Variants in MAP3K13 observed in about 807,000 individuals in gnomAD.
MAP3K13 encodes leucine zipper-bearing kinase.
MAP3K13 carries 52 observed loss-of-function variants against 104.0 expected under a neutral mutation model. That is an observed-to-expected ratio of 0.50 (90% CI 0.40 to 0.63). The LOEUF (loss-of-function observed/expected upper bound fraction) is 0.63, where lower values mean the gene tolerates loss of function less well. MAP3K13 is among the 20% of genes least tolerant of loss of function. The pLI is 0.00. For missense variants in MAP3K13, 914 were observed against 1,218.5 expected (o/e 0.75, Z 3.72); for synonymous variants, 394 against 442.2 (o/e 0.89, Z 1.37).
intron 7 of MAP3K13, among the ~76,000 whole-genome samples, chr3:185,454,591 TAGATATATATG>T: frequency 2.4e-5 from 2 of 83,482 alleles, no homozygotes; most frequent in African/African-American, 8.7e-5. Flanking sequence ...ATATGATATA[TAGATATATATG>T]AGATATATAT....
At chr3:185,288,776 A>G (rs1257485360) in intron 2 of MAP3K13, among the ~76,000 whole-genome samples, 1 of 152,160 alleles carries the variant, frequency 6.6e-6, no homozygotes, top group Non-Finnish European at 1.5e-5. Flanking sequence ...ATAAATTATT[A>G]TGTTAACCAT....
At chr3:185,454,439 GAGATAT>G (rs1716161246) in intron 7 of MAP3K13, among the ~76,000 whole-genome samples, 1 of 107,830 alleles carries the variant, frequency 9.3e-6, no homozygotes, top group Non-Finnish European at 1.7e-5. Context: ...TGATATATAT[GAGATAT>G]ATATATGAGA....
At chr3:185,468,911 G>A (rs1229051800) in intron 10 of MAP3K13, among the ~76,000 whole-genome samples, 4 of 152,194 alleles carry the variant, frequency 2.6e-5, no homozygotes, top group Admixed American at 1.3e-4. Context: ...TAAGAGCGCT[G>A]GGGGAGAAAA....
chr3:185,361,114 G>A (rs1265485653), upstream of MAP3K13, among the ~76,000 whole-genome samples: 3 of 149,976 alleles, frequency 2.0e-5, no homozygotes, highest in Non-Finnish European at 4.4e-5. Flanking sequence ...GTGTGTGTGT[G>A]TGTGTGTGTA....
intron 2 of MAP3K13, among the ~76,000 whole-genome samples, chr3:185,326,828 T>C (rs1299106510): frequency 6.6e-6 from 1 of 152,204 alleles, no homozygotes; most frequent in Non-Finnish European, 1.5e-5. Context: ...GAAATAATCT[T>C]GATTTGCATT....
Position 185,332,301 on chromosome 3 carries a change from G to C in MAP3K13, c.-86+46658G>C, listed in dbSNP as rs913114576. The stretch of plus-strand genomic sequence containing the variant: ...TCATCAGACTTTTGGATTTTTGCCA[G>C]TTTGATAGGTTAAATAATGGTTTCA... On this transcript the variant is annotated intron_variant, in intron 2 of 14. Coordinates refer to the MAP3K13 transcript ENST00000424227. Among the ~76,000 whole-genome samples the C allele has an allele frequency of 3.3e-5, 5 of 152,024 alleles. No homozygotes were observed. In the East Asian group the frequency reaches 9.6e-4, roughly 29 times the overall value.
intron 2 of MAP3K13, among the ~76,000 whole-genome samples, chr3:185,296,976 T>G (rs1232044041): frequency 1.3e-5 from 2 of 152,216 alleles, no homozygotes; most frequent in Admixed American, 6.5e-5. Context: ...GCACAGTGGC[T>G]AAAGTCATGT....
chr3:185,291,942 G>C, intron 2 of MAP3K13: 1 of 1,116,314 alleles, frequency 9.0e-7, no homozygotes, highest in Non-Finnish European at 1.1e-6. Context: ...GTGGCCATAA[G>C]TTTTCATTGA....
rs551183178 is a variant in MAP3K13, at chr3:185,485,233, ATTCGT to A, written c.*2781_*2785del. 8 of 152,270 alleles carry A rather than the reference ATTCGT, an allele frequency of 5.3e-5. No individual in the cohort carries two copies. The highest frequency in any genetic ancestry group is 1.4e-4 in the African/African-American group (6 of 41,560). The allele number at this position is 152,270 out of a possible 1,614,324, so 9.4% of individuals were successfully genotyped here. A position where few individuals can be genotyped will look rare whatever the true frequency, so the allele number is the denominator to read the frequency against. Reference sequence around the variant, plus strand: ...GAGGGTTTCCGCACAGGGCTCATGGATTCGTTTCAAGAATTGACAACATAGTTTGC... The same window carrying A: ...GAGGGTTTCCGCACAGGGCTCATGGATTCAAGAATTGACAACATAGTTTGC... On this transcript the variant is annotated 3_prime_UTR_variant, in exon 14 of 14. Transcript: ENST00000265026.
At chr3:185,303,718 T>A (rs1373724355) in intron 2 of MAP3K13, among the ~76,000 whole-genome samples, 3 of 152,090 alleles carry the variant, frequency 2.0e-5, no homozygotes, top group Admixed American at 6.5e-5. Flanking sequence ...ATTTTTTACC[T>A]TAGTCTAGCT....
chr3:185,405,540 A>G (rs1274281195), intron 1 of MAP3K13, among the ~76,000 whole-genome samples: 1 of 152,112 alleles, frequency 6.6e-6, no homozygotes, highest in Non-Finnish European at 1.5e-5. Flanking sequence ...CTTGCCCTCC[A>G]TTCTTTTCTT....
chr3:185,453,865 A>ACATATATATGAGATATATG (rs1560115693), intron 7 of MAP3K13, among the ~76,000 whole-genome samples: 1 of 6,310 alleles, frequency 1.6e-4, no homozygotes, highest in African/African-American at 2.8e-4. Flanking sequence ...ATATATATAT[A>ACATATATATGAGATATATG]TGATACATAT....
At chr3:185,409,394 A>T (rs368163968) in intron 1 of MAP3K13, among the ~76,000 whole-genome samples, 2 of 152,274 alleles carry the variant, frequency 1.3e-5, no homozygotes, top group African/African-American at 4.8e-5. Flanking sequence ...AATAAGCTTA[A>T]TATCTCTGAT....
intron 2 of MAP3K13, among the ~76,000 whole-genome samples, chr3:185,355,531 A>G (rs528180222): frequency 6.6e-6 from 1 of 152,200 alleles, no homozygotes; most frequent in Non-Finnish European, 1.5e-5. Context: ...GCTACTCAGA[A>G]GGCTGAGGCA....
intron 2 of MAP3K13, among the ~76,000 whole-genome samples, chr3:185,356,419 G>A (rs1723353620): frequency 6.6e-6 from 1 of 152,178 alleles, no homozygotes; most frequent in Non-Finnish European, 1.5e-5. Context: ...GGGATTGATT[G>A]GCTTATGTAA....
chr3:185,293,551 G>A (rs1720819857), intron 2 of MAP3K13, among the ~76,000 whole-genome samples: 1 of 150,580 alleles, frequency 6.6e-6, no homozygotes, highest in Admixed American at 6.6e-5. Context: ...AGCCTCCCCA[G>A]GTAGCTGGGA....
intron 2 of MAP3K13, among the ~76,000 whole-genome samples, chr3:185,430,817 T>C (rs7646052): frequency 0.38 from 58,189 of 152,018 alleles, 11,376 homozygotes; most frequent in East Asian, 0.55. Context: ...TGTGTATGTG[T>C]GTGTATACTT....
intron 12 of MAP3K13, among the ~76,000 whole-genome samples, chr3:185,479,219 A>G (rs1015052895): frequency 1.3e-5 from 2 of 152,158 alleles, no homozygotes; most frequent in African/African-American, 4.8e-5. Flanking sequence ...GAGGTAGTGA[A>G]AGCACTTGGG....
At chr3:185,394,567 A>T (rs139746727) in intron 1 of MAP3K13, among the ~76,000 whole-genome samples, 1 of 152,358 alleles carries the variant, frequency 6.6e-6, no homozygotes, top group African/African-American at 2.4e-5. Context: ...TCATATAGCT[A>T]CATAACTATT....
Sources: gnomAD v4.1 joint callset for allele counts (sites outside exome capture counted in the v4.1 genomes callset) on GRCh38, gnomAD v4.1.1 for gene constraint, MANE v1.5 for transcripts, NCBI Gene and HGNC (gene_info 2026-07-23, HGNC 2026-07-21) for gene names.